FGF13: variants seen among roughly 807,000 people sequenced by gnomAD.
FGF13 encodes the protein fibroblast growth factor 13.
A neutral mutation model predicts 19.5 loss-of-function variants in FGF13; 2 were observed. The ratio of observed to expected loss-of-function variants is 0.10; its 90% CI spans 0.04 to 0.32. The LOEUF (loss-of-function observed/expected upper bound fraction) is 0.32, where lower values mean the gene tolerates loss of function less well. Ranked by LOEUF, FGF13 falls within the 10% of genes least tolerant of loss-of-function variation. The pLI, the probability that FGF13 is intolerant of heterozygous loss-of-function variation, is 1.00. For missense variants in FGF13, 113 were observed against 192.7 expected, an observed-to-expected ratio of 0.59 and a Z score of 2.45; for synonymous variants, 72 against 76.9, an observed-to-expected ratio of 0.94 and a Z score of 0.33.
chrX:138,953,128 C>T (rs773808705), intron 1 of FGF13, among the ~76,000 whole-genome samples: 198 of 110,824 alleles, frequency 1.8e-3, no homozygotes, highest in Non-Finnish European at 2.4e-3. Flanking sequence ...CACATGCACA[C>T]GTATGTTTAT....
chrX:139,053,362 C>T (rs1052883414), intron 1 of FGF13, among the ~76,000 whole-genome samples: 2 of 110,047 alleles, frequency 1.8e-5, no homozygotes, highest in Admixed American at 1.9e-4. Flanking sequence ...TTTACATTCC[C>T]ACTAGCAGTG....
chrX:138,953,763 A>G (rs1472317807), intron 1 of FGF13, among the ~76,000 whole-genome samples: 3 of 111,040 alleles, frequency 2.7e-5, no homozygotes, highest in Non-Finnish European at 5.7e-5. Context: ...ACTGATACAC[A>G]TAACACTATG....
chrX:138,768,701 T>TTA lies in FGF13; in HGVS notation c.218-59775_218-59774dup, dbSNP rs72137780. The stretch of plus-strand genomic sequence containing the variant: ...TATCATACTTATATATAAGTATATA[T>TTA]TATATATATATATATAAGTATATAT... On this transcript the variant is annotated intron_variant, in intron 3 of 6. Coordinates refer to the FGF13 transcript ENST00000436198. Among the ~76,000 whole-genome samples, 272 of 98,722 alleles carry TTA rather than the reference T, an allele frequency of 2.8e-3. 3 individuals are homozygous for TTA. The highest frequency in any genetic ancestry group is 1.0e-2 in the Middle Eastern group (2 of 201). The allele number at this position is 98,722 out of a possible 115,157, so 85.7% of individuals were successfully genotyped here.
chrX:139,201,211 A>G (rs1295297111), intron 1 of FGF13, among the ~76,000 whole-genome samples: 1 of 112,100 alleles, frequency 8.9e-6, no homozygotes, highest in Admixed American at 9.4e-5. Context: ...TCTTAACCTC[A>G]GTGAGTTGAA....
At chrX:139,009,571 T>C (rs924670333) in intron 1 of FGF13, among the ~76,000 whole-genome samples, 2 of 111,557 alleles carry the variant, frequency 1.8e-5, no homozygotes, top group Admixed American at 9.5e-5. Context: ...AAATGAAGGA[T>C]AGATACACTC....
At chrX:138,828,377 G>T (rs1309790374) in intron 3 of FGF13, among the ~76,000 whole-genome samples, 1 of 109,937 alleles carries the variant, frequency 9.1e-6, no homozygotes, top group East Asian at 2.9e-4. Flanking sequence ...GACCATCCTG[G>T]CTAACACGGT....
At chrX:138,885,760 C>T (rs1602998365) in intron 1 of FGF13, among the ~76,000 whole-genome samples, 1 of 109,416 alleles carries the variant, frequency 9.1e-6, no homozygotes, top group East Asian at 2.9e-4. Flanking sequence ...TCCAACAGGG[C>T]ATGAATTTTC....
At chrX:138,690,064 C>T (rs1209755960) in intron 3 of FGF13, among the ~76,000 whole-genome samples, 7 of 111,297 alleles carry the variant, frequency 6.3e-5, no homozygotes, top group Admixed American at 5.8e-4. Flanking sequence ...ATATGAGGAA[C>T]ATAAATGTAA....
At chrX:139,075,531 C>T (rs1024021097) in intron 1 of FGF13, among the ~76,000 whole-genome samples, 3 of 111,966 alleles carry the variant, frequency 2.7e-5, no homozygotes, top group African/African-American at 3.2e-5. Context: ...GGAAAGGTAA[C>T]ACTTGCCTTG....
chrX:138,631,530 C>T lies in FGF13; in HGVS notation c.*1320G>A, dbSNP rs1183443539. 8.9e-6 allele frequency: 1 copy of T among 112,634 alleles called. No individual in the cohort carries two copies. The highest frequency in any genetic ancestry group is 1.9e-5 in the Non-Finnish European group (1 of 53,288). The allele number at this position is 112,634 out of a possible 1,213,427, so 9.3% of individuals were successfully genotyped here. ...TTACTTCCAGTTGCTACTTCAGTTA[C>T]TGGCACATAATGGACGCTCAATAAA... is the stretch of plus-strand genomic sequence containing the variant. On this transcript the variant is annotated 3_prime_UTR_variant, in exon 5 of 5. Coordinates refer to ENST00000315930, the MANE Select transcript of FGF13 (RefSeq NM_004114.5).
intron 3 of FGF13, among the ~76,000 whole-genome samples, chrX:138,647,968 G>C (rs975144049): frequency 8.9e-6 from 1 of 111,868 alleles, no homozygotes; most frequent in Non-Finnish European, 1.9e-5. Context: ...GCATAGAAGT[G>C]GTTTCAGATA....
intron 1 of FGF13, among the ~76,000 whole-genome samples, chrX:138,982,081 C>G (rs745697798): frequency 2.7e-5 from 3 of 111,790 alleles, no homozygotes; most frequent in Non-Finnish European, 5.6e-5. Flanking sequence ...ATGGCCTCAG[C>G]TCAAGTGGCT....
At chrX:139,038,009 G>C (rs970289539) in intron 1 of FGF13, among the ~76,000 whole-genome samples, 10 of 111,266 alleles carry the variant, frequency 9.0e-5, no homozygotes, top group African/African-American at 3.3e-4. Context: ...GCTTCCACTT[G>C]AGTATGCCCA....
At chrX:139,133,285 C>A (rs1201990052) in intron 1 of FGF13, among the ~76,000 whole-genome samples, 2 of 105,185 alleles carry the variant, frequency 1.9e-5, no homozygotes, top group East Asian at 6.1e-4. Context: ...AGCAGTTTCT[C>A]CAGGCAAGCA....
chrX:138,637,643 G>C (rs1187379554), intron 3 of FGF13, among the ~76,000 whole-genome samples: 1 of 111,711 alleles, frequency 9.0e-6, no homozygotes, highest in East Asian at 2.8e-4. Flanking sequence ...TAGTTGATCG[G>C]TGCTAAATAT....
intron 3 of FGF13, among the ~76,000 whole-genome samples, chrX:138,651,207 T>A (rs1228139821): frequency 8.9e-6 from 1 of 111,737 alleles, no homozygotes; most frequent in Non-Finnish European, 1.9e-5. Context: ...TTTTCTAGCA[T>A]TTGAAGGAAA....
chrX:139,035,077 A>G (rs1290109232), intron 1 of FGF13, among the ~76,000 whole-genome samples: 1 of 111,678 alleles, frequency 9.0e-6, no homozygotes, highest in Non-Finnish European at 1.9e-5. Context: ...CCATCTACCA[A>G]TCTATCTATT....
At chrX:138,940,786 C>G (rs772503576) in intron 1 of FGF13, among the ~76,000 whole-genome samples, 1 of 110,722 alleles carries the variant, frequency 9.0e-6, no homozygotes, top group Non-Finnish European at 1.9e-5. Flanking sequence ...TTCCATTGGT[C>G]TATGTGTCTG....
At position 139,177,209 on chromosome X, in the gene FGF13, T is replaced by C. The variant is rs747079936; in HGVS notation, c.-113+26207A>G. ...TGATCTTTGTTCGTTTAAACTCTGATTTATCAGAGACTAGGATTGCAACCC... is the reference window on the plus strand; with the variant it reads ...TGATCTTTGTTCGTTTAAACTCTGACTTATCAGAGACTAGGATTGCAACCC... On this transcript the variant is annotated intron_variant, in intron 1 of 2. Coordinates refer to the FGF13 transcript ENST00000421460. Among the ~76,000 whole-genome samples, 50 of 107,163 alleles carry C rather than the reference T, an allele frequency of 4.7e-4. 1 individual carries two copies. The highest frequency in any genetic ancestry group is 1.7e-3 in the African/African-American group (49 of 29,033). 93.1% of individuals were successfully genotyped at this position (107,163 alleles called of 115,157 possible).
Sources: allele counts gnomAD v4.1 joint callset (sites outside exome capture counted in the v4.1 genomes callset), GRCh38; gene constraint gnomAD v4.1.1; transcripts MANE v1.5; gene names NCBI Gene and HGNC (gene_info 2026-07-23, HGNC 2026-07-21).